ZFPM2: variants seen among roughly 807,000 people sequenced by gnomAD.
ZFPM2 encodes zinc finger protein ZFPM2.
A neutral mutation model predicts 98.6 loss-of-function variants in ZFPM2; 20 were observed. That is an observed-to-expected ratio of 0.20 (90% CI 0.14 to 0.29). The LOEUF (loss-of-function observed/expected upper bound fraction) is 0.29. Among genes scored for constraint, ZFPM2 ranks in the 10% least tolerant of loss-of-function variants. The probability of loss-of-function intolerance (pLI) is 1.00; values close to 1 mark genes in which losing one functional copy is unlikely to be tolerated. For synonymous variants in ZFPM2, 518 were observed against 502.7 expected, an observed-to-expected ratio of 1.03 and a Z score of -0.41; for missense variants, 1,310 against 1,388.6, an observed-to-expected ratio of 0.94 and a Z score of 0.90.
At chr8:105,738,089 G>A (rs74367249) in intron 5 of ZFPM2, among the ~76,000 whole-genome samples, 37 of 151,910 alleles carry the variant, frequency 2.4e-4, no homozygotes, top group African/African-American at 8.9e-4. Flanking sequence ...TGTGTCATGG[G>A]GGTTCGTTAT....
chr8:105,390,601 C>G (rs1225058349), intron 1 of ZFPM2, among the ~76,000 whole-genome samples: 1 of 152,192 alleles, frequency 6.6e-6, no homozygotes, highest in African/African-American at 2.4e-5. Flanking sequence ...GTATCCTCCT[C>G]TACAGTGAGG....
intron 5 of ZFPM2, among the ~76,000 whole-genome samples, chr8:105,640,869 A>G (rs1725607953): frequency 6.6e-6 from 1 of 152,050 alleles, no homozygotes; most frequent in Admixed American, 6.6e-5. Context: ...ATTTGCGTTC[A>G]TATTTTACGC....
intron 3 of ZFPM2, among the ~76,000 whole-genome samples, chr8:105,517,983 C>G (rs1719298286): frequency 1.3e-5 from 2 of 152,124 alleles, no homozygotes; most frequent in South Asian, 2.1e-4. Context: ...TCTTTTAGAG[C>G]TGGCCAATGT....
At chr8:105,774,598 T>A (rs1813056220) in intron 5 of ZFPM2, among the ~76,000 whole-genome samples, 1 of 152,164 alleles carries the variant, frequency 6.6e-6, no homozygotes, top group African/African-American at 2.4e-5. Flanking sequence ...GAAATTTGTG[T>A]GTTTAATATT....
At chr8:105,577,290 TAACA>T (rs1365704224) in intron 4 of ZFPM2, among the ~76,000 whole-genome samples, 2 of 152,132 alleles carry the variant, frequency 1.3e-5, no homozygotes, top group African/African-American at 4.8e-5. Flanking sequence ...TAAGTAAACC[TAACA>T]AACAAAAAGT....
chr8:105,405,455 G>A (rs1004795566), intron 1 of ZFPM2, among the ~76,000 whole-genome samples: 2 of 133,926 alleles, frequency 1.5e-5, no homozygotes, highest in African/African-American at 5.7e-5. Flanking sequence ...ACAGTCCCTG[G>A]TGTGTGATGT....
intron 3 of ZFPM2, among the ~76,000 whole-genome samples, chr8:105,492,753 T>G (rs1224095415): frequency 1.3e-5 from 2 of 152,194 alleles, no homozygotes; most frequent in Admixed American, 6.5e-5. Flanking sequence ...CAATACTGAT[T>G]AGTAATGATT....
rs751227889 is a variant in ZFPM2, at chr8:105,383,202, A to C, written c.41-35942A>C. Among the ~76,000 whole-genome samples, 5 of 152,250 alleles carry C rather than the reference A, an allele frequency of 3.3e-5. No individual in the cohort carries two copies. The South Asian group carries it at 8.3e-4, about 25-fold the overall frequency. Reference sequence around the variant, plus strand: ...TGGTCATCAATATATGCTGCTCCTCATCATCAAAGTTAATAAACATATTAG... The same window carrying C: ...TGGTCATCAATATATGCTGCTCCTCCTCATCAAAGTTAATAAACATATTAG... On this transcript the variant is annotated intron_variant, in intron 1 of 7. Transcript: ENST00000407775.
At chr8:105,742,377 C>CT (rs1812237440) in intron 5 of ZFPM2, among the ~76,000 whole-genome samples, 2 of 107,784 alleles carry the variant, frequency 1.9e-5, no homozygotes, top group African/African-American at 8.1e-5. Flanking sequence ...GATCCTGTCT[C>CT]TTAAAAAAAA....
chr8:105,719,122 C>A (rs188158069), intron 5 of ZFPM2, among the ~76,000 whole-genome samples: 13 of 151,910 alleles, frequency 8.6e-5, no homozygotes, highest in Non-Finnish European at 1.5e-4. Flanking sequence ...ATACCTTTTT[C>A]ATTGTGAAAC....
At chr8:105,525,557 C>T (rs1337672641) in intron 3 of ZFPM2, among the ~76,000 whole-genome samples, 3 of 152,200 alleles carry the variant, frequency 2.0e-5, no homozygotes, top group South Asian at 4.1e-4. Flanking sequence ...GTGACTTGGT[C>T]AATGTCAAAT....
At position 105,801,748 on chromosome 8, in the gene ZFPM2, A is replaced by C. The variant is rs374672861; in HGVS notation, c.1666A>C (p.Thr556Pro). ...GGCTACTTGTTTTGAGTGTAACATAACATTCAATAATTTGGATAATTATCT... is the reference window on the plus strand; with the variant it reads ...GGCTACTTGTTTTGAGTGTAACATACCATTCAATAATTTGGATAATTATCT... ...KGATCFECNI[T>P]FNNLDNYLVH... The change falls in exon 8 of 8, where the codon ACA (threonine) becomes CCA (proline). Residue 556 changes from threonine (T) to proline (P), a missense_variant. Physicochemically the swap from Thr to Pro is conservative, Grantham distance 38 (BLOSUM62 -1). Transcript: ENST00000407775. 6.2e-7 allele frequency: 1 copy of C among 1,613,922 alleles called. No homozygotes were observed. Among genetic ancestry groups the C allele is most frequent in the Non-Finnish European group, 8.5e-7 (1 of 1,179,868 alleles).
At chr8:105,371,423 T>G (rs2129815622) in intron 1 of ZFPM2, among the ~76,000 whole-genome samples, 1 of 152,312 alleles carries the variant, frequency 6.6e-6, no homozygotes, top group African/African-American at 2.4e-5. Context: ...TGGAGATAGT[T>G]ACATTGTCAG....
chr8:105,442,946 T>C (rs919911702), intron 2 of ZFPM2, among the ~76,000 whole-genome samples: 1 of 151,254 alleles, frequency 6.6e-6, no homozygotes, highest in Non-Finnish European at 1.5e-5. Context: ...TATTAGAGAG[T>C]TGGGAAACTG....
intron 5 of ZFPM2, among the ~76,000 whole-genome samples, chr8:105,654,217 G>GA (rs59953364): frequency 4.2e-4 from 59 of 140,810 alleles, no homozygotes; most frequent in South Asian, 7.0e-4. Flanking sequence ...AAAAGAGAAG[G>GA]AAAAAAAAAA....
intron 2 of ZFPM2, among the ~76,000 whole-genome samples, chr8:105,427,102 A>G (rs941708223): frequency 6.6e-6 from 1 of 152,222 alleles, no homozygotes; most frequent in African/African-American, 2.4e-5. Flanking sequence ...TGATTTTTTT[A>G]AAAAACCACA....
chr8:105,640,978 C>T (rs1328058982), intron 5 of ZFPM2, among the ~76,000 whole-genome samples: 1 of 151,930 alleles, frequency 6.6e-6, no homozygotes, highest in Non-Finnish European at 1.5e-5. Flanking sequence ...AAATATTTAG[C>T]AGTGGGAATT....
At chr8:105,682,758 G>A (rs1386300580) in intron 5 of ZFPM2, among the ~76,000 whole-genome samples, 2 of 152,106 alleles carry the variant, frequency 1.3e-5, no homozygotes, top group Non-Finnish European at 2.9e-5. Flanking sequence ...GATGAGTAAA[G>A]CTGTTTTGGA....
intron 1 of ZFPM2, among the ~76,000 whole-genome samples, chr8:105,377,875 C>T (rs1810762889): frequency 6.6e-6 from 1 of 152,034 alleles, no homozygotes; most frequent in African/African-American, 2.4e-5. Context: ...ATATATACTT[C>T]CCTCTTAACA....
Sources: gnomAD v4.1 joint callset for allele counts (sites outside exome capture counted in the v4.1 genomes callset) on GRCh38, gnomAD v4.1.1 for gene constraint, MANE v1.5 for transcripts, NCBI Gene and HGNC (gene_info 2026-07-23, HGNC 2026-07-21) for gene names.